The following INSR variants were observed in gnomAD, a reference collection of about 807,000 sequenced individuals.
INSR encodes insulin receptor, also known as IR.
In INSR, 67 loss-of-function variants were observed where a neutral mutation model predicts 142.6. The observed-to-expected ratio is 0.47, with a 90% CI of 0.39 to 0.58. The LOEUF is 0.58. INSR is among the 20% of genes least tolerant of loss of function. The pLI, the probability that INSR is intolerant of heterozygous loss-of-function variation, is 0.00. For synonymous variants in INSR, 756 were observed against 743.1 expected (o/e 1.02, Z -0.28); for missense variants, 1,248 against 1,833.2 (o/e 0.68, Z 5.83).
At chr19:7,170,245 C>G (rs1341431694) in intron 6 of INSR, among the ~76,000 whole-genome samples, 1 of 151,586 alleles carries the variant, frequency 6.6e-6, no homozygotes, top group Non-Finnish European at 1.5e-5. Flanking sequence ...ACTGCACACT[C>G]CTTATGAAAA....
intron 17 of INSR, 160 bp from the exon 18 acceptor site, chr19:7,123,149 C>G: frequency 1.6e-6 from 1 of 639,762 alleles, no homozygotes; most frequent in Non-Finnish European, 2.8e-6. Flanking sequence ...GCCCGGACAG[C>G]AGACAGATAG....
intron 2 of INSR, among the ~76,000 whole-genome samples, chr19:7,260,276 G>A (rs973936562): frequency 3.3e-5 from 5 of 152,146 alleles, no homozygotes; most frequent in Admixed American, 1.3e-4. Context: ...ACGTCCATAT[G>A]TGGCATCTCG....
At chr19:7,246,107 A>C (rs1048548621) in intron 2 of INSR, among the ~76,000 whole-genome samples, 5 of 152,150 alleles carry the variant, frequency 3.3e-5, no homozygotes, top group Non-Finnish European at 7.4e-5. Context: ...AGAGGTTTTT[A>C]AAAAAATGTT....
chr19:7,184,663 G>GAAATAAATAAATAAATAAAT (rs57380348), intron 2 of INSR, 26 bp from the exon 3 acceptor site: 2 of 962,676 alleles, frequency 2.1e-6, no homozygotes, highest in Non-Finnish European at 2.9e-6. Context: ...GAGAGAGAGG[G>GAAATAAATAAATAAATAAAT]AAATAAATAA....
At chr19:7,211,347 G>A (rs1293164833) in intron 2 of INSR, among the ~76,000 whole-genome samples, 1 of 152,176 alleles carries the variant, frequency 6.6e-6, no homozygotes, top group Non-Finnish European at 1.5e-5. Context: ...GATGACAGGT[G>A]CGAGGGAGGC....
chr19:7,128,480 C>T (rs1972698730), intron 15 of INSR, among the ~76,000 whole-genome samples: 1 of 151,860 alleles, frequency 6.6e-6, no homozygotes, highest in South Asian at 2.1e-4. Flanking sequence ...TCCCAAAGTG[C>T]TAGCATTACA....
At chr19:7,263,484 C>A (rs1339081708) in intron 2 of INSR, among the ~76,000 whole-genome samples, 1 of 152,154 alleles carries the variant, frequency 6.6e-6, no homozygotes, top group Non-Finnish European at 1.5e-5. Flanking sequence ...ACCCGGTACC[C>A]CGGGAAGTGT....
chr19:7,238,592 G>C (rs1213188101), intron 2 of INSR, among the ~76,000 whole-genome samples: 2 of 127,568 alleles, frequency 1.6e-5, no homozygotes, highest in African/African-American at 5.9e-5. Context: ...TTGCACTCCA[G>C]CCTGGGCAAC....
chr19:7,264,110 G>A (rs1224841495), intron 2 of INSR, among the ~76,000 whole-genome samples: 12 of 151,760 alleles, frequency 7.9e-5, no homozygotes, highest in African/African-American at 1.5e-4. Flanking sequence ...CAGAAATTGC[G>A]GTGAGCCAAG....
chr19:7,229,297 G>GGAC (rs2145121460), intron 2 of INSR, among the ~76,000 whole-genome samples: 1 of 127,638 alleles, frequency 7.8e-6, no homozygotes, highest in South Asian at 2.9e-4. Flanking sequence ...GTGGATGGAG[G>GGAC]GATGATGGAT....
intron 2 of INSR, among the ~76,000 whole-genome samples, chr19:7,260,709 T>C (rs1250703594): frequency 6.6e-6 from 1 of 151,654 alleles, no homozygotes; most frequent in Admixed American, 6.6e-5. Flanking sequence ...TGAGGCTAGG[T>C]TAAGTGCCTC....
intron 2 of INSR, among the ~76,000 whole-genome samples, chr19:7,204,289 A>G (rs1424775388): frequency 6.6e-6 from 1 of 151,954 alleles, no homozygotes; most frequent in Admixed American, 6.6e-5. Flanking sequence ...TCCTGACCTC[A>G]GGTGATCCAC....
At chr19:7,201,304 A>G (rs1041107759) in intron 2 of INSR, among the ~76,000 whole-genome samples, 5 of 152,184 alleles carry the variant, frequency 3.3e-5, no homozygotes, top group African/African-American at 1.2e-4. Context: ...TATTTTTAAT[A>G]TTTCCAAAAT....
rs1452429173 is a variant in INSR, at chr19:7,115,130, A to G, written c.*1926T>C. On this transcript the variant is annotated 3_prime_UTR_variant, in exon 22 of 22. Transcript: ENST00000302850. ...GAATTGAGAGGGCTTGGAGGTTGCC[A>G]TTATGACTCTATCCCATTCTTAAGC... 1 of 152,258 alleles carries G rather than the reference A, an allele frequency of 6.6e-6. No individual in the cohort carries two copies. Among genetic ancestry groups the G allele is most frequent in the Non-Finnish European group, 1.5e-5 (1 of 68,042 alleles). The allele number at this position is 152,258 out of a possible 1,614,324, so 9.4% of individuals were successfully genotyped here. A position where few individuals can be genotyped will look rare whatever the true frequency, so the allele number is the denominator to read the frequency against.
intron 2 of INSR, among the ~76,000 whole-genome samples, chr19:7,222,251 G>A (rs761152675): frequency 2.6e-5 from 4 of 152,000 alleles, no homozygotes; most frequent in Non-Finnish European, 5.9e-5. Flanking sequence ...ACTTTGGACC[G>A]CAGCCTGTAT....
intron 1 of INSR, among the ~76,000 whole-genome samples, chr19:7,270,339 T>TCACA (rs1178953100): frequency 0.039 from 4,676 of 120,122 alleles, 292 homozygotes; most frequent in African/African-American, 0.12. Context: ...TCTCTCTCTC[T>TCACA]CACACACACA....
Position 7,267,874 on chromosome 19 carries a change from C to A in INSR, c.123G>T (p.Arg41=), listed in dbSNP as rs372938158. 206 of 1,613,684 alleles carry A rather than the reference C, an allele frequency of 1.3e-4. No individual in the cohort carries two copies. Among genetic ancestry groups the A allele is most frequent in the Non-Finnish European group, 1.6e-4 (193 of 1,179,958 alleles). Residue 41 remains arginine, a synonymous_variant, in exon 2 of 22, where the codon CGG becomes CGT. Transcript: ENST00000302850. This position sits in a 1 kb window ranked among gnomAD's most constrained non-coding sequence, Gnocchi z 6.3. ...PGEVCPGMDI[R]NNLTRLHELE... ...GCTCATGCAACCTAGTGAGGTTGTT[C>A]CGGATATCCATGCCGGGACACACTA...
chr19:7,134,110 C>T (rs2144837200), intron 13 of INSR, among the ~76,000 whole-genome samples: 1 of 149,178 alleles, frequency 6.7e-6, no homozygotes, highest in South Asian at 2.1e-4. Flanking sequence ...ACCCGGGAGG[C>T]GGAGCTTGTA....
intron 13 of INSR, 129 bp downstream of exon 13, chr19:7,141,548 C>T (rs996942345): frequency 5.9e-6 from 8 of 1,346,406 alleles, no homozygotes; most frequent in Non-Finnish European, 8.3e-6. Flanking sequence ...GCTTTAAGTA[C>T]TAATAGCACA....
Sources: allele counts gnomAD v4.1 joint callset (sites outside exome capture counted in the v4.1 genomes callset), GRCh38; gene constraint gnomAD v4.1.1; non-coding constraint Gnocchi (gnomAD v3.1); transcripts MANE v1.5; gene names NCBI Gene and HGNC (gene_info 2026-07-23, HGNC 2026-07-21).